Variants in FAP observed in about 807,000 individuals in gnomAD.
FAP encodes the protein prolyl endopeptidase FAP.
Under a neutral mutation model 126.5 loss-of-function variants are expected in FAP, and 110 were observed. The ratio of observed to expected loss-of-function variants is 0.87; its 90% confidence interval spans 0.74 to 1.02. The LOEUF is 1.02. FAP is among the 50% of genes least tolerant of loss of function. The probability of loss-of-function intolerance (pLI) is 0.00; values close to 1 mark genes in which losing one functional copy is unlikely to be tolerated. For missense variants in FAP, 919 were observed against 909.2 expected, an observed-to-expected ratio of 1.01 and a Z score of -0.14; for synonymous variants, 334 against 297.3, an observed-to-expected ratio of 1.12 and a Z score of -1.27.
At chr2:162,174,427 T>C (rs759599494) in intron 22 of FAP, among the ~76,000 whole-genome samples, 2 of 152,166 alleles carry the variant, frequency 1.3e-5, no homozygotes, top group Non-Finnish European at 2.9e-5. Context: ...AACAGGAGTA[T>C]TTCTCCAACA....
At chr2:162,232,954 G>C (rs1420314724) in intron 2 of FAP, among the ~76,000 whole-genome samples, 1 of 152,004 alleles carries the variant, frequency 6.6e-6, no homozygotes, top group Non-Finnish European at 1.5e-5. Flanking sequence ...TTGACATTTT[G>C]GCATGGCTGT....
Position 162,234,815 on chromosome 2 carries a change from C to T in FAP, c.91+8093G>A, listed in dbSNP as rs148427808. Among the ~76,000 whole-genome samples, 156 of 152,206 alleles carry T rather than the reference C, an allele frequency of 1.0e-3. 1 individual carries two copies. Among genetic ancestry groups the T allele is most frequent in the African/African-American group, 3.6e-3 (148 of 41,526 alleles). On this transcript the variant is annotated intron_variant, in intron 2 of 25. Coordinates refer to ENST00000188790, the MANE Select transcript of FAP (RefSeq NM_004460.5). ...CCGTAGGAGCCTTTCTCTGGGCTGG[C>T]CGAGGCTGGAGCCGGCTCCCTTGGC...
Position 162,229,655 on chromosome 2 carries a change from T to G in FAP, c.92-3034A>C, listed in dbSNP as rs938936195. Among the ~76,000 whole-genome samples, 8 of 152,272 alleles carry G rather than the reference T, an allele frequency of 5.3e-5. No homozygotes were observed. The East Asian group carries it at 7.7e-4, about 15-fold the overall frequency. On this transcript the variant is annotated intron_variant, in intron 2 of 25. Transcript: ENST00000188790. ...CTACTCATTTTCCTTTTCGTATCAT[T>G]AAAAAGCATTTTGATCTTATCAGAG...
At chr2:162,221,142 C>G (rs1689373804) in intron 6 of FAP, among the ~76,000 whole-genome samples, 1 of 152,022 alleles carries the variant, frequency 6.6e-6, no homozygotes, top group Non-Finnish European at 1.5e-5. Flanking sequence ...GGAAAGTGAC[C>G]ATTGGTGCTG....
intron 2 of FAP, among the ~76,000 whole-genome samples, chr2:162,235,311 G>T (rs546198652): frequency 6.6e-6 from 1 of 152,308 alleles, no homozygotes; most frequent in South Asian, 2.1e-4. Context: ...CGCATGGCGC[G>T]GGACTGGCGG....
At chr2:162,183,836 G>A (rs1222734201) in intron 20 of FAP, among the ~76,000 whole-genome samples, 5 of 151,952 alleles carry the variant, frequency 3.3e-5, no homozygotes, top group East Asian at 3.9e-4. Flanking sequence ...CCCAGCTATC[G>A]GAAAGAAGGA....
At position 162,189,122 on chromosome 2, in the gene FAP, A is replaced by C; in HGVS notation, c.1600T>G (p.Tyr534Asp). The C allele has an allele frequency of 6.2e-7, 1 of 1,600,400 alleles. No homozygotes were observed. The highest frequency in any genetic ancestry group is 8.5e-7 in the Non-Finnish European group (1 of 1,171,386). ...LPPQFDRSKK[Y>D]PLLIQVYGGP... ...ACATACACTTGAATTAGCAAGGGAT[A>C]CTTCTTTGATCTGTCAAATTGAGGA... The change falls in exon 19 of 26, where the codon TAT (tyrosine) becomes GAT (aspartate). Residue 534 changes from tyrosine to aspartate, a missense_variant. Physicochemically the swap from Tyr to Asp is radical, Grantham distance 160 (BLOSUM62 -3). Transcript: ENST00000188790.
Position 162,195,091 on chromosome 2 carries a change from T to G in FAP, c.1403-343A>C, listed in dbSNP as rs937427395. 3 of 288,272 alleles carry G rather than the reference T, an allele frequency of 1.0e-5. No individual in the cohort carries two copies. The South Asian group carries it at 1.5e-4, about 14-fold the overall frequency. The allele number at this position is 288,272 out of a possible 1,614,324, so 17.9% of individuals were successfully genotyped here. ...ATGTCATGCTGTATTGGGCCAGTTT[T>G]GGCTGTGTCTTTATTATCAAACAAC... On this transcript the variant is annotated intron_variant, in intron 16 of 25. Coordinates refer to ENST00000188790, the MANE Select transcript of FAP (RefSeq NM_004460.5).
chr2:162,217,014 T>G (rs1689182520), intron 9 of FAP, among the ~76,000 whole-genome samples: 1 of 152,220 alleles, frequency 6.6e-6, no homozygotes, highest in Non-Finnish European at 1.5e-5. Flanking sequence ...CATCTTGGGT[T>G]CCCCCAAAAT....
intron 14 of FAP, among the ~76,000 whole-genome samples, chr2:162,200,915 T>A (rs1440758594): frequency 1.3e-5 from 2 of 152,212 alleles, no homozygotes; most frequent in Non-Finnish European, 2.9e-5. Flanking sequence ...ATACCTTGAC[T>A]TTTTTATGAT....
intron 2 of FAP, among the ~76,000 whole-genome samples, chr2:162,230,682 G>C (rs1689862319): frequency 6.6e-6 from 1 of 151,494 alleles, no homozygotes. Context: ...TAAAAATTTG[G>C]TCCTTGGAGC....
intron 18 of FAP, 41 bp from the exon 19 acceptor site, chr2:162,189,213 C>T (rs750170541): frequency 8.5e-7 from 1 of 1,176,676 alleles, no homozygotes; most frequent in South Asian, 1.4e-5. Context: ...CATTCCACAG[C>T]ACTAGTAGCA....
At chr2:162,189,804 AT>A (rs745350021) in intron 17 of FAP, 50 bp from the exon 18 acceptor site, 4 of 1,108,382 alleles carry the variant, frequency 3.6e-6, no homozygotes, top group Admixed American at 4.5e-5. Flanking sequence ...TCCATAAACA[AT>A]TTTTTTCCTT....
chr2:162,183,944 A>T (rs1212522924), intron 20 of FAP, among the ~76,000 whole-genome samples: 6 of 152,184 alleles, frequency 3.9e-5, no homozygotes, highest in Admixed American at 6.5e-5. Flanking sequence ...AGAAATATAC[A>T]ACCGTCTTCC....
In FAP at chr2:162,170,875, G is replaced by T; in HGVS notation, c.*104C>A. 1 of 819,106 alleles carries T rather than the reference G, an allele frequency of 1.2e-6. No homozygotes were observed. Among genetic ancestry groups the T allele is most frequent in the Non-Finnish European group, 2.0e-6 (1 of 503,550 alleles). 50.7% of individuals were successfully genotyped at this position (819,106 alleles called of 1,614,324 possible). On this transcript the variant is annotated 3_prime_UTR_variant, in exon 26 of 26. Coordinates refer to ENST00000188790, the MANE Select transcript of FAP (RefSeq NM_004460.5). The stretch of plus-strand genomic sequence containing the variant: ...CCTTTAGAACAACATTAATTTGTTT[G>T]TTTATACTAGCATTTTACAACATAA...
chr2:162,234,384 T>C (rs775848734), intron 2 of FAP, among the ~76,000 whole-genome samples: 10 of 152,152 alleles, frequency 6.6e-5, no homozygotes, highest in Non-Finnish European at 1.3e-4. Context: ...GGATTGCTCA[T>C]TGAGAGTGTA....
At chr2:162,185,243 C>T (rs1486871892) in intron 20 of FAP, among the ~76,000 whole-genome samples, 1 of 152,144 alleles carries the variant, frequency 6.6e-6, no homozygotes, top group African/African-American at 2.4e-5. Flanking sequence ...AAAGTTGGCC[C>T]AAGGCCAAGG....
At chr2:162,230,362 G>A (rs1689849445) in intron 2 of FAP, among the ~76,000 whole-genome samples, 1 of 151,354 alleles carries the variant, frequency 6.6e-6, no homozygotes, top group Non-Finnish European at 1.5e-5. Flanking sequence ...TAAATTTATT[G>A]AACATGAATT....
At chr2:162,200,473 A>G in intron 15 of FAP, 93 bp downstream of exon 15, 1 of 696,372 alleles carries the variant, frequency 1.4e-6, no homozygotes, top group South Asian at 1.7e-5. Context: ...TATGTGCCAT[A>G]CTTTAAAAAT....
Sources: gnomAD v4.1 joint callset for allele counts (sites outside exome capture counted in the v4.1 genomes callset) on GRCh38, gnomAD v4.1.1 for gene constraint, MANE v1.5 for transcripts, NCBI Gene and HGNC (gene_info 2026-07-23, HGNC 2026-07-21) for gene names.